Variants in RFX3 observed in about 807,000 individuals in gnomAD.
RFX3 encodes the protein regulatory factor X3.
In RFX3, 14 loss-of-function variants were observed where a neutral mutation model predicts 98.6. The observed-to-expected ratio is 0.14, with a 90% CI of 0.09 to 0.22. The LOEUF is 0.22. RFX3 is among the 10% of genes least tolerant of loss of function. The pLI is 1.00. For missense variants in RFX3, 639 were observed against 926.9 expected (o/e 0.69, Z 4.03); for synonymous variants, 383 against 328.4 (o/e 1.17, Z -1.80).
At chr9:3,487,041 A>C (rs1009047664) in intron 1 of RFX3, among the ~76,000 whole-genome samples, 1 of 152,094 alleles carries the variant, frequency 6.6e-6, no homozygotes, top group African/African-American at 2.4e-5. Context: ...TTTTTAATAG[A>C]GACAGCCTCT....
chr9:3,311,875 C>T (rs1830003803), intron 4 of RFX3, among the ~76,000 whole-genome samples: 1 of 152,152 alleles, frequency 6.6e-6, no homozygotes, highest in African/African-American at 2.4e-5. Flanking sequence ...CAGAGCAAGA[C>T]TCTGCCCACC....
In RFX3 at chr9:3,330,344, C is replaced by A. The variant is rs1352919756; in HGVS notation, c.389G>T (p.Ser130Ile). 1 of 1,614,008 alleles carries A rather than the reference C, an allele frequency of 6.2e-7. No individual in the cohort carries two copies. Among genetic ancestry groups the A allele is most frequent in the African/African-American group, 1.3e-5 (1 of 74,926 alleles). ...GCCGATCAGATAGGTTCCTCCAGAG[C>A]TGCTGATGAGTTGTCCTCCTGTGAC... ...MGVTGGQLIS[S>I]SGGTYLIGNS... The change falls in exon 4 of 17, where the codon AGC (serine) becomes ATC (isoleucine). Residue 130 changes from serine to isoleucine, a missense_variant. Around this residue, in one of 9 missense-constraint regions of RFX3, gnomAD observed 210 missense variants for 197.7 expected, o/e 1.06. Transcript: ENST00000617270.
chr9:3,465,295 T>C (rs1848103039), intron 1 of RFX3, among the ~76,000 whole-genome samples: 1 of 151,982 alleles, frequency 6.6e-6, no homozygotes, highest in South Asian at 2.1e-4. Context: ...CTGTTTTGCT[T>C]TTTTTCTTTT....
In RFX3 at chr9:3,224,746, G is replaced by A. The variant is rs944852688; in HGVS notation, c.*296C>T. On this transcript the variant is annotated 3_prime_UTR_variant, in exon 17 of 17. Coordinates refer to ENST00000617270, the MANE Select transcript of RFX3 (RefSeq NM_001282116.2). ...TAAAATATTTTAAGCTACAAAAAAT[G>A]TAAATTACTTTTTAATTATAAGAAA... 7 of 235,890 alleles carry A rather than the reference G, an allele frequency of 3.0e-5. No individual in the cohort carries two copies. Among genetic ancestry groups the A allele is most frequent in the African/African-American group, 1.6e-4 (7 of 43,946 alleles). The allele number at this position is 235,890 out of a possible 1,614,324, so 14.6% of individuals were successfully genotyped here.
chr9:3,290,251 G>T lies in RFX3; in HGVS notation c.732-2001C>A, dbSNP rs180897079. Reference sequence around the variant, plus strand: ...ATTCATAATTGTTACCTAGTTGGGGGTGGGAGGAACCCAGAACATCAGAAA... The same window carrying T: ...ATTCATAATTGTTACCTAGTTGGGGTTGGGAGGAACCCAGAACATCAGAAA... On this transcript the variant is annotated intron_variant, in intron 6 of 16. Transcript: ENST00000617270. 2.4e-3 allele frequency among the ~76,000 whole-genome samples: 370 copies of T among 151,512 alleles called. 1 individual carries two copies. The highest frequency in any genetic ancestry group is 8.4e-3 in the African/African-American group (347 of 41,316).
chr9:3,270,161 G>C (rs1390794631), intron 11 of RFX3, among the ~76,000 whole-genome samples: 1 of 148,862 alleles, frequency 6.7e-6, no homozygotes, highest in African/African-American at 2.5e-5. Context: ...GAAAGAAAAA[G>C]AAAAGAAAGA....
intron 1 of RFX3, among the ~76,000 whole-genome samples, chr9:3,417,218 T>C (rs1843060278): frequency 6.6e-6 from 1 of 152,010 alleles, no homozygotes; most frequent in Non-Finnish European, 1.5e-5. Flanking sequence ...ACCTAGTTGA[T>C]CTGAAAAAGA....
chr9:3,356,426 G>A (rs983556780), intron 2 of RFX3, among the ~76,000 whole-genome samples: 3 of 151,726 alleles, frequency 2.0e-5, no homozygotes, highest in African/African-American at 7.2e-5. Flanking sequence ...TTTATAAAAG[G>A]CCTAAATGAC....
intron 6 of RFX3, among the ~76,000 whole-genome samples, chr9:3,291,457 A>C (rs892074378): frequency 6.6e-6 from 1 of 152,096 alleles, no homozygotes; most frequent in African/African-American, 2.4e-5. Flanking sequence ...AGTTTCCCCC[A>C]GATTAGAACC....
intron 3 of RFX3, among the ~76,000 whole-genome samples, chr9:3,341,899 AT>A (rs1833930145): frequency 6.6e-6 from 1 of 152,220 alleles, no homozygotes; most frequent in Non-Finnish European, 1.5e-5. Context: ...CCATGTAACC[AT>A]TTCTCTTAAG....
At chr9:3,348,005 T>C (rs891051556) in intron 2 of RFX3, among the ~76,000 whole-genome samples, 1 of 152,200 alleles carries the variant, frequency 6.6e-6, no homozygotes, top group African/African-American at 2.4e-5. Flanking sequence ...ATGAGTCCAA[T>C]CACTATAGTA....
At chr9:3,452,410 C>T (rs1345305390) in intron 1 of RFX3, 3 of 287,244 alleles carry the variant, frequency 1.0e-5, no homozygotes, top group East Asian at 1.2e-4. Flanking sequence ...GGGCAACATA[C>T]GGAGACACCA....
At chr9:3,495,566 A>T (rs1216608670) in intron 1 of RFX3, among the ~76,000 whole-genome samples, 1 of 152,128 alleles carries the variant, frequency 6.6e-6, no homozygotes, top group Non-Finnish European at 1.5e-5. Flanking sequence ...GATTAACTTA[A>T]AATGTGCAGA....
intron 2 of RFX3, among the ~76,000 whole-genome samples, chr9:3,393,058 C>T (rs907003118): frequency 0.011 from 140 of 12,320 alleles, no homozygotes; most frequent in African/African-American, 0.061. Flanking sequence ...GGTGGGTGGG[C>T]GGGTGGGTGG....
At chr9:3,513,877 T>G (rs566404770) in intron 1 of RFX3, among the ~76,000 whole-genome samples, 53 of 152,330 alleles carry the variant, frequency 3.5e-4, no homozygotes, top group Middle Eastern at 3.4e-3. Flanking sequence ...TGCTGAAATA[T>G]AAACCCACAA....
intron 2 of RFX3, among the ~76,000 whole-genome samples, chr9:3,373,359 G>A (rs1289978712): frequency 6.6e-6 from 1 of 152,076 alleles, no homozygotes; most frequent in African/African-American, 2.4e-5. Context: ...CCACACTTCA[G>A]ACAATATCTT....
chr9:3,263,892 A>C (rs559938029), intron 12 of RFX3, among the ~76,000 whole-genome samples: 9 of 152,228 alleles, frequency 5.9e-5, no homozygotes, highest in South Asian at 4.2e-4. Flanking sequence ...TATTCACTGC[A>C]ACCTCTGCTT....
Position 3,221,843 on chromosome 9 carries a change from A to T in RFX3, c.*3199T>A, listed in dbSNP as rs959368333. 1 of 152,202 alleles carries T rather than the reference A, an allele frequency of 6.6e-6. No individual in the cohort carries two copies. Among genetic ancestry groups the T allele is most frequent in the Admixed American group, 6.5e-5 (1 of 15,278 alleles). 9.4% of individuals were successfully genotyped at this position (152,202 alleles called of 1,614,324 possible). Reference sequence around the variant, plus strand: ...TTTCTGAAACTTGAAAACAGTCAACATACCTTCCTTACATTCTTCCTCACT... The same window carrying T: ...TTTCTGAAACTTGAAAACAGTCAACTTACCTTCCTTACATTCTTCCTCACT... On this transcript the variant is annotated 3_prime_UTR_variant, in exon 17 of 17. Coordinates refer to ENST00000617270, the MANE Select transcript of RFX3 (RefSeq NM_001282116.2).
At chr9:3,249,139 A>G (rs1821059571) in intron 14 of RFX3, among the ~76,000 whole-genome samples, 1 of 152,154 alleles carries the variant, frequency 6.6e-6, no homozygotes, top group African/African-American at 2.4e-5. Flanking sequence ...TATTCTCAGG[A>G]GAAAGAGGTA....
Sources: allele counts gnomAD v4.1 joint callset (sites outside exome capture counted in the v4.1 genomes callset), GRCh38; gene constraint gnomAD v4.1.1; regional missense constraint gnomAD v4.1.1; transcripts MANE v1.5; gene names NCBI Gene and HGNC (gene_info 2026-07-23, HGNC 2026-07-21).